Variants in CDKAL1 observed in about 807,000 individuals in gnomAD.
CDKAL1 encodes the protein CDKAL1 threonylcarbamoyladenosine tRNA methylthiotransferase.
In CDKAL1, 32 loss-of-function variants were observed where a neutral mutation model predicts 68.2. The ratio of observed to expected loss-of-function variants is 0.47; its 90% CI spans 0.35 to 0.63. CDKAL1 has a LOEUF of 0.63. Among genes scored for constraint, CDKAL1 ranks in the 30% least tolerant of loss-of-function variants. The pLI is 0.00. For synonymous variants in CDKAL1, 234 were observed against 244.3 expected, an observed-to-expected ratio of 0.96 and a Z score of 0.39; for missense variants, 606 against 696.7, an observed-to-expected ratio of 0.87 and a Z score of 1.47.
At chr6:20,612,111 C>A (rs1266913111) in intron 4 of CDKAL1, among the ~76,000 whole-genome samples, 1 of 152,168 alleles carries the variant, frequency 6.6e-6, no homozygotes, top group African/African-American at 2.4e-5. Context: ...AAATAGCATT[C>A]CATTGTATAT....
At chr6:20,548,525 C>A (rs1451231605) in intron 3 of CDKAL1, 68 bp from the exon 4 acceptor site, 26 of 775,558 alleles carry the variant, frequency 3.4e-5, no homozygotes, top group Non-Finnish European at 5.7e-5. Context: ...AGAGCAAGAC[C>A]CTGGATCAAA....
chr6:20,628,612 T>C (rs1400381679), intron 4 of CDKAL1, among the ~76,000 whole-genome samples: 1 of 152,058 alleles, frequency 6.6e-6, no homozygotes, highest in African/African-American at 2.4e-5. Flanking sequence ...TCTTTGTCGG[T>C]TCTGCCACTG....
At chr6:20,737,377 GTCT>G (rs1452110477) in intron 5 of CDKAL1, among the ~76,000 whole-genome samples, 4 of 152,188 alleles carry the variant, frequency 2.6e-5, no homozygotes, top group Non-Finnish European at 5.9e-5. Context: ...CAAAGCACTT[GTCT>G]TCTTCATTAC....
intron 4 of CDKAL1, among the ~76,000 whole-genome samples, chr6:20,642,135 G>A (rs1053690284): frequency 6.6e-6 from 1 of 151,974 alleles, no homozygotes; most frequent in Non-Finnish European, 1.5e-5. Context: ...TAATAGATCC[G>A]AGATATAAAT....
chr6:20,591,012 G>A (rs1765569168), intron 4 of CDKAL1, among the ~76,000 whole-genome samples: 1 of 152,044 alleles, frequency 6.6e-6, no homozygotes, highest in African/African-American at 2.4e-5. Context: ...ATCCTCTCTG[G>A]CATCTGTTGT....
At chr6:20,787,122 T>A (rs1333919450) in intron 8 of CDKAL1, among the ~76,000 whole-genome samples, 1 of 152,192 alleles carries the variant, frequency 6.6e-6, no homozygotes, top group East Asian at 1.9e-4. Flanking sequence ...CCCTGTGATA[T>A]TTTACTGATA....
chr6:20,969,396 C>G (rs1208463398), intron 10 of CDKAL1, among the ~76,000 whole-genome samples: 1 of 152,164 alleles, frequency 6.6e-6, no homozygotes, highest in Non-Finnish European at 1.5e-5. Context: ...TAAAGGTCAT[C>G]ATCCTCATCA....
At chr6:20,935,998 A>G (rs528818638) in intron 9 of CDKAL1, among the ~76,000 whole-genome samples, 3 of 152,274 alleles carry the variant, frequency 2.0e-5, no homozygotes, top group African/African-American at 7.2e-5. Flanking sequence ...CTTGTCCCAT[A>G]GCTTCTCCTT....
chr6:20,710,676 A>G (rs369233926), intron 5 of CDKAL1, among the ~76,000 whole-genome samples: 1 of 152,246 alleles, frequency 6.6e-6, no homozygotes, highest in Non-Finnish European at 1.5e-5. Flanking sequence ...GGAGGAGATA[A>G]CTAGGACATA....
chr6:21,171,066 AAAAGT>A (rs1449938056), intron 13 of CDKAL1, among the ~76,000 whole-genome samples: 1 of 152,204 alleles, frequency 6.6e-6, no homozygotes, highest in Non-Finnish European at 1.5e-5. Context: ...AGAAAATCTG[AAAAGT>A]AAAGAGAAGA....
rs186343903 is a variant in CDKAL1, at chr6:21,088,884, T to C, written c.1237-19517T>C. Among the ~76,000 whole-genome samples, 596 of 152,130 alleles carry C rather than the reference T, an allele frequency of 3.9e-3. 4 individuals carry two copies. Among genetic ancestry groups the C allele is most frequent in the African/African-American group, 0.013 (544 of 41,506 alleles). On this transcript the variant is annotated intron_variant, in intron 12 of 15. Coordinates refer to ENST00000274695, the MANE Select transcript of CDKAL1 (RefSeq NM_017774.3). ...TTGAAACTGGGAGGCAGAGGTTGCA[T>C]TGAGCCGAGATCATGCCACTGCACC...
Position 20,656,097 on chromosome 6 carries a change from G to A in CDKAL1, c.371+6720G>A, listed in dbSNP as rs9368217. ...CTGTTTTACAGATGAAGGTCTCTAA[G>A]GCTGCTGTTCAGTTCATAAATGGTA... On this transcript the variant is annotated intron_variant, in intron 5 of 15. Transcript: ENST00000274695. Among the ~76,000 whole-genome samples, 352 of 152,090 alleles carry A rather than the reference G, an allele frequency of 2.3e-3. 10 individuals carry two copies. In the East Asian group the frequency reaches 0.051, roughly 22 times the overall value.
intron 4 of CDKAL1, among the ~76,000 whole-genome samples, chr6:20,556,614 A>G (rs1472090486): frequency 6.6e-6 from 1 of 152,186 alleles, no homozygotes; most frequent in Non-Finnish European, 1.5e-5. Context: ...TATCACCATG[A>G]TTATTTACAT....
At chr6:21,105,191 G>A (rs1377012505) in intron 12 of CDKAL1, among the ~76,000 whole-genome samples, 1 of 152,152 alleles carries the variant, frequency 6.6e-6, no homozygotes, top group Non-Finnish European at 1.5e-5. Context: ...AATTTTGATG[G>A]GCAAATGACC....
At chr6:20,661,573 T>C (rs909960400) in intron 5 of CDKAL1, among the ~76,000 whole-genome samples, 1 of 135,598 alleles carries the variant, frequency 7.4e-6, no homozygotes, top group African/African-American at 2.8e-5. Flanking sequence ...AAGTCTATTT[T>C]AGTGTTTAAT....
At chr6:20,940,834 T>C (rs1251041415) in intron 9 of CDKAL1, among the ~76,000 whole-genome samples, 1 of 152,222 alleles carries the variant, frequency 6.6e-6, no homozygotes, top group East Asian at 1.9e-4. Flanking sequence ...CTCACGCCTG[T>C]AATCCCAGCA....
Position 20,545,767 on chromosome 6 carries a change from A to AT in CDKAL1, c.-5-573dup, listed in dbSNP as rs551249030. ...ATAAGCCACTGTGGCTAGCCAGTCTATTTTTTCTGAGGTCCTTTTAAAGTA... is the reference window on the plus strand; with the variant it reads ...ATAAGCCACTGTGGCTAGCCAGTCTATTTTTTTCTGAGGTCCTTTTAAAGTA... On this transcript the variant is annotated intron_variant, in intron 2 of 15. Coordinates refer to ENST00000274695, the MANE Select transcript of CDKAL1 (RefSeq NM_017774.3). Among the ~76,000 whole-genome samples, 685 of 152,270 alleles carry AT rather than the reference A, an allele frequency of 4.5e-3. 7 individuals are homozygous for AT. Among genetic ancestry groups the AT allele is most frequent in the African/African-American group, 0.016 (645 of 41,562 alleles).
chr6:21,079,892 T>C (rs533989280), intron 12 of CDKAL1, among the ~76,000 whole-genome samples: 2 of 152,170 alleles, frequency 1.3e-5, no homozygotes, highest in Admixed American at 6.5e-5. Flanking sequence ...AGTTACAGGA[T>C]TGGCTTTTTT....
At chr6:20,973,559 C>T (rs1765695668) in intron 10 of CDKAL1, among the ~76,000 whole-genome samples, 3 of 152,208 alleles carry the variant, frequency 2.0e-5, no homozygotes, top group African/African-American at 4.8e-5. Context: ...CAGCTGCTGC[C>T]ATCCTGCCAG....
Sources: gnomAD v4.1 joint callset for allele counts (sites outside exome capture counted in the v4.1 genomes callset) on GRCh38, gnomAD v4.1.1 for gene constraint, MANE v1.5 for transcripts, NCBI Gene and HGNC (gene_info 2026-07-23, HGNC 2026-07-21) for gene names.